CRTC3: variants seen among roughly 807,000 people sequenced by gnomAD.
CRTC3 encodes the protein CREB-regulated transcription coactivator 3.
A neutral mutation model predicts 74.5 loss-of-function variants in CRTC3; 26 were observed. The observed-to-expected ratio is 0.35, with a 90% CI of 0.26 to 0.48. The LOEUF is 0.48. CRTC3 is among the 20% of genes least tolerant of loss of function. CRTC3 has a pLI of 0.99. For synonymous variants in CRTC3, 377 were observed against 325.8 expected (o/e 1.16, Z -1.69); for missense variants, 760 against 787.3 (o/e 0.97, Z 0.41).
Position 90,598,553 on chromosome 15 carries a change from A to G in CRTC3, c.352-3771A>G, listed in dbSNP as rs895945416. 24 of 701,304 alleles carry G rather than the reference A, an allele frequency of 3.4e-5. No individual in the cohort carries two copies. In the Admixed American group the frequency reaches 4.8e-4, roughly 14 times the overall value. 43.4% of individuals were successfully genotyped at this position (701,304 alleles called of 1,614,324 possible). A position where few individuals can be genotyped will look rare whatever the true frequency, so the allele number is the denominator to read the frequency against. The stretch of plus-strand genomic sequence containing the variant: ...AGAGGCTTGGGGAGAGAGAGAACAC[A>G]CTGGGATGACTCTGAGATCCTAACA... On this transcript the variant is annotated intron_variant, in intron 3 of 14. Coordinates refer to ENST00000268184, the MANE Select transcript of CRTC3 (RefSeq NM_022769.5).
At chr15:90,636,178 A>C (rs1436184399) in intron 11 of CRTC3, among the ~76,000 whole-genome samples, 1 of 151,124 alleles carries the variant, frequency 6.6e-6, no homozygotes, top group Non-Finnish European at 1.5e-5. Flanking sequence ...TACAGTAACC[A>C]AAACAGCATG....
At chr15:90,545,544 C>T (rs1019485308) in intron 2 of CRTC3, among the ~76,000 whole-genome samples, 5 of 150,524 alleles carry the variant, frequency 3.3e-5, no homozygotes, top group East Asian at 1.9e-4. Context: ...GGTTTACAGG[C>T]GCGCCCCACC....
intron 2 of CRTC3, among the ~76,000 whole-genome samples, chr15:90,561,699 A>T (rs1967014164): frequency 6.6e-6 from 1 of 152,224 alleles, no homozygotes; most frequent in Non-Finnish European, 1.5e-5. Flanking sequence ...GAGGCACTAC[A>T]TTTAAAGTAG....
In CRTC3 at chr15:90,530,374, C is replaced by G. The variant is rs1596062262; in HGVS notation, c.132+171C>G. On this transcript the variant is annotated intron_variant, in intron 1 of 14. Coordinates refer to ENST00000268184, the MANE Select transcript of CRTC3 (RefSeq NM_022769.5). This position sits in a 1 kb window ranked among gnomAD's most constrained non-coding sequence, Gnocchi z 6.2. ...GGCCGCGGCCTCGGCGTTTCCCCGC[C>G]TGGCGACACCCGCTAGCCGTTCGCG... Among the ~76,000 whole-genome samples the G allele has an allele frequency of 1.3e-5, 2 of 151,794 alleles. No homozygotes were observed. Among genetic ancestry groups the G allele is most frequent in the Non-Finnish European group, 2.9e-5 (2 of 67,858 alleles).
intron 2 of CRTC3, among the ~76,000 whole-genome samples, chr15:90,592,904 G>C (rs913654071): frequency 2.6e-5 from 4 of 152,166 alleles, no homozygotes; most frequent in Non-Finnish European, 4.4e-5. Context: ...TGTAATCCCA[G>C]CACTTTGGGA....
chr15:90,568,262 G>C (rs1176597223), intron 2 of CRTC3, among the ~76,000 whole-genome samples: 1 of 152,186 alleles, frequency 6.6e-6, no homozygotes, highest in Non-Finnish European at 1.5e-5. Context: ...ATCTACTCCT[G>C]GTGAAGATGT....
At chr15:90,640,012 G>A (rs1382909749) in intron 13 of CRTC3, among the ~76,000 whole-genome samples, 1 of 151,944 alleles carries the variant, frequency 6.6e-6, no homozygotes, top group Admixed American at 6.5e-5. Context: ...TCGCACCACT[G>A]CACTTCAGTC....
At chr15:90,631,228 C>G (rs1969027633) in intron 11 of CRTC3, among the ~76,000 whole-genome samples, 1 of 152,104 alleles carries the variant, frequency 6.6e-6, no homozygotes, top group Admixed American at 6.5e-5. Context: ...TGAGTGATCT[C>G]TTTTGGGCGA....
chr15:90,636,189 GTACTGGTACCAAAACAGAGA>G (rs1425757825), intron 11 of CRTC3, among the ~76,000 whole-genome samples: 13 of 151,530 alleles, frequency 8.6e-5, no homozygotes, highest in African/African-American at 2.9e-4. Flanking sequence ...AAACAGCATG[GTACTGGTACCAAAACAGAGA>G]TATAGACCAA....
chr15:90,547,308 T>G (rs1180358874), intron 2 of CRTC3, among the ~76,000 whole-genome samples: 1 of 152,188 alleles, frequency 6.6e-6, no homozygotes, highest in African/African-American at 2.4e-5. Flanking sequence ...CATGATGTAC[T>G]ATAGATATCT....
At chr15:90,575,682 A>G (rs1379090000) in intron 2 of CRTC3, among the ~76,000 whole-genome samples, 1 of 152,166 alleles carries the variant, frequency 6.6e-6, no homozygotes, top group East Asian at 1.9e-4. Context: ...GTGTCTATTC[A>G]TACACCAGAA....
chr15:90,561,124 A>G (rs1163515695), intron 2 of CRTC3, among the ~76,000 whole-genome samples: 3 of 152,182 alleles, frequency 2.0e-5, no homozygotes, highest in Non-Finnish European at 4.4e-5. Context: ...GTGGCTACTA[A>G]TAGTACCTAA....
At chr15:90,622,043 C>T (rs921174002) in intron 9 of CRTC3, among the ~76,000 whole-genome samples, 3 of 152,086 alleles carry the variant, frequency 2.0e-5, no homozygotes, top group Non-Finnish European at 4.4e-5. Context: ...CACCAGCGGG[C>T]GTTGAGGAAA....
chr15:90,590,758 C>G (rs944001693), intron 2 of CRTC3, among the ~76,000 whole-genome samples: 1 of 152,076 alleles, frequency 6.6e-6, no homozygotes, highest in East Asian at 1.9e-4. Context: ...AAGGTTAAGC[C>G]AAATATAGTT....
chr15:90,601,368 C>T (rs1968064398), intron 3 of CRTC3, among the ~76,000 whole-genome samples: 3 of 152,056 alleles, frequency 2.0e-5, no homozygotes, highest in African/African-American at 7.2e-5. Flanking sequence ...TACCAGGAAC[C>T]GCCGGGCGCA....
At chr15:90,634,756 CA>C in intron 11 of CRTC3, 1 of 1,031,370 alleles carries the variant, frequency 9.7e-7, no homozygotes. Context: ...AAGTTTTTTC[CA>C]CTCTCTGACT....
chr15:90,557,367 T>C (rs1479067784), intron 2 of CRTC3, among the ~76,000 whole-genome samples: 2 of 151,810 alleles, frequency 1.3e-5, no homozygotes, highest in African/African-American at 4.8e-5. Flanking sequence ...GACAGGGAGG[T>C]GGTGGTAGCT....
chr15:90,586,508 G>C (rs1967668369), intron 2 of CRTC3, among the ~76,000 whole-genome samples: 2 of 151,730 alleles, frequency 1.3e-5, no homozygotes, highest in Non-Finnish European at 2.9e-5. Context: ...TGGGACTACG[G>C]ACTCTCACTA....
chr15:90,602,427 A>T, intron 4 of CRTC3, 42 bp downstream of exon 4: 1 of 1,046,036 alleles, frequency 9.6e-7, no homozygotes, highest in Non-Finnish European at 1.5e-6. Context: ...GGCATGTGTT[A>T]TTTTTAGATA....
Sources: gnomAD v4.1 joint callset for allele counts (sites outside exome capture counted in the v4.1 genomes callset) on GRCh38, gnomAD v4.1.1 for gene constraint, Gnocchi (gnomAD v3.1) non-coding constraint, MANE v1.5 for transcripts, NCBI Gene and HGNC (gene_info 2026-07-23, HGNC 2026-07-21) for gene names.